ABCB7: variants seen among roughly 807,000 people sequenced by gnomAD.
ABCB7 encodes iron-sulfur clusters transporter ABCB7, mitochondrial.
ABCB7 carries 7 observed loss-of-function variants against 54.4 expected under a neutral mutation model. The ratio of observed to expected loss-of-function variants is 0.13; its 90% CI spans 0.07 to 0.24. The LOEUF is 0.24. Among genes scored for constraint, ABCB7 ranks in the 10% least tolerant of loss-of-function variants. The pLI, the probability that ABCB7 is intolerant of heterozygous loss-of-function variation, is 1.00. For missense variants in ABCB7, 356 were observed against 570.4 expected (o/e 0.62, Z 3.83); for synonymous variants, 218 against 207.1 (o/e 1.05, Z -0.45).
At chrX:75,102,530 C>A (rs2081648687) in intron 3 of ABCB7, among the ~76,000 whole-genome samples, 1 of 111,645 alleles carries the variant, frequency 9.0e-6, no homozygotes, top group South Asian at 3.7e-4. Flanking sequence ...TAAGAGTATT[C>A]CACATTTATA....
rs1347471195 is a variant in ABCB7 at position 75,149,228 on chromosome X, G to T, written c.168+6877C>A. On this transcript the variant is annotated intron_variant, in intron 1 of 15. Transcript: ENST00000373394. The stretch of plus-strand genomic sequence containing the variant: ...TAATGAACATCCCAAAATACAGTGT[G>T]CAGTTAAAATTTCTACAAACAGCAA... Among the ~76,000 whole-genome samples the T allele has an allele frequency of 2.7e-5, 3 of 111,838 alleles. No individual in the cohort carries two copies. The Admixed American group carries it at 2.9e-4, about 11-fold the overall frequency.
chrX:75,146,622 G>A (rs912262650), intron 1 of ABCB7, among the ~76,000 whole-genome samples: 13 of 111,914 alleles, frequency 1.2e-4, no homozygotes, highest in Admixed American at 1.1e-3. Context: ...GCCACAGGCC[G>A]AAGATTGAAA....
At position 75,069,425 on chromosome X, in the gene ABCB7, G is replaced by C. The variant is rs777989939; in HGVS notation, c.1395C>G (p.Ile465Met). Reference protein sequence around the residue: ...KDKVMASPLQITPQTATVAFD... With the variant: ...KDKVMASPLQMTPQTATVAFD... ...AGGCCACGGTAGCTGTCTGTGGTGTGATCTGAAGGGGAGATGCCATCACTT... is the reference window on the plus strand; with the variant it reads ...AGGCCACGGTAGCTGTCTGTGGTGTCATCTGAAGGGGAGATGCCATCACTT... Residue 465 changes from isoleucine to methionine, a missense_variant, in exon 11 of 16, where the codon ATC becomes ATG. Coordinates refer to ENST00000373394, the MANE Select transcript of ABCB7 (RefSeq NM_001271696.3). 1 of 1,208,878 alleles carries C rather than the reference G, an allele frequency of 8.3e-7. No homozygotes were observed. The highest frequency in any genetic ancestry group is 1.1e-6 in the Non-Finnish European group (1 of 894,059).
At chrX:75,115,768 T>C (rs1427864388) in intron 1 of ABCB7, among the ~76,000 whole-genome samples, 2 of 104,380 alleles carry the variant, frequency 1.9e-5, no homozygotes, top group African/African-American at 3.6e-5. Context: ...CAGGCCATGA[T>C]GCTGGTTGTG....
At chrX:75,149,499 T>C (rs1427717309) in intron 1 of ABCB7, among the ~76,000 whole-genome samples, 1 of 111,905 alleles carries the variant, frequency 8.9e-6, no homozygotes, top group East Asian at 2.8e-4. Flanking sequence ...TCCAAATGTA[T>C]AGCAGTGGAG....
intron 5 of ABCB7, 124 bp from the exon 6 acceptor site, chrX:75,075,754 A>C: frequency 1.4e-6 from 1 of 689,837 alleles, no homozygotes; most frequent in Non-Finnish European, 2.1e-6. Flanking sequence ...ATATCACAGA[A>C]TATTTACAAT....
At chrX:75,058,700 C>T (rs1210687832) in intron 15 of ABCB7, among the ~76,000 whole-genome samples, 1 of 111,393 alleles carries the variant, frequency 9.0e-6, no homozygotes, top group Non-Finnish European at 1.9e-5. Context: ...ACCCAAGTGG[C>T]AATGGTGTAA....
At chrX:75,075,340 T>C (rs1602345671) in intron 6 of ABCB7, 22 bp downstream of exon 6, 1 of 1,202,663 alleles carries the variant, frequency 8.3e-7, no homozygotes. Context: ...TAAAAGCTTG[T>C]TATGAAAAAT....
chrX:75,150,090 G>C (rs1349518348), intron 1 of ABCB7, among the ~76,000 whole-genome samples: 1 of 111,466 alleles, frequency 9.0e-6, no homozygotes, highest in Non-Finnish European at 1.9e-5. Flanking sequence ...TAGATGTGCT[G>C]TATAGGATGG....
At chrX:75,147,886 T>C (rs1037545109) in intron 1 of ABCB7, among the ~76,000 whole-genome samples, 15 of 111,896 alleles carry the variant, frequency 1.3e-4, no homozygotes, top group Non-Finnish European at 2.4e-4. Flanking sequence ...AAGGCCGAGG[T>C]GGGCGGATCA....
At chrX:75,124,094 T>C (rs980634831) in intron 1 of ABCB7, among the ~76,000 whole-genome samples, 2 of 112,103 alleles carry the variant, frequency 1.8e-5, no homozygotes, top group Non-Finnish European at 3.8e-5. Context: ...CCAAGAGCCA[T>C]TGATTGCTGA....
intron 4 of ABCB7, among the ~76,000 whole-genome samples, chrX:75,081,484 T>C (rs1602351791): frequency 2.7e-5 from 3 of 112,033 alleles, no homozygotes; most frequent in Non-Finnish European, 3.8e-5. Flanking sequence ...AACTTGAAGA[T>C]AGAACAATAA....
intron 1 of ABCB7, among the ~76,000 whole-genome samples, chrX:75,125,668 G>A (rs1441118083): frequency 9.0e-6 from 1 of 111,044 alleles, no homozygotes; most frequent in Non-Finnish European, 1.9e-5. Context: ...GGGCACTCAA[G>A]CCTGAGGTTT....
intron 1 of ABCB7, among the ~76,000 whole-genome samples, chrX:75,135,163 TA>T (rs1454735859): frequency 8.3e-4 from 81 of 97,982 alleles, no homozygotes; most frequent in Middle Eastern, 5.2e-3. Context: ...CCGCAGATAT[TA>T]AAAAAAAAAA....
In ABCB7 at chrX:75,053,405, T is replaced by G; in HGVS notation, c.2224A>C (p.Asn742His). ...ERKKLQEEIVNSVKGCGNCSC is the reference protein window; with the variant it reads ...ERKKLQEEIVHSVKGCGNCSC ...CAGTTTCCACAGCCTTTCACACTAT[T>G]GACAATTTCTTCTTGTAGTTTCTTT... The change falls in exon 16 of 16, where the codon AAT becomes CAT. Residue 742 changes from asparagine to histidine, a missense_variant. By Grantham distance (68) the Asn-to-His change is moderately conservative. Around this residue, in one of 2 missense-constraint regions of ABCB7, gnomAD observed 241 missense variants for 470.9 expected, o/e 0.51. Transcript: ENST00000373394. The G allele has an allele frequency of 8.3e-7, 1 of 1,211,462 alleles. No homozygotes were observed. Among genetic ancestry groups the G allele is most frequent in the Non-Finnish European group, 1.1e-6 (1 of 895,121 alleles).
intron 12 of ABCB7, among the ~76,000 whole-genome samples, chrX:75,066,543 C>T (rs1483344172): frequency 9.0e-6 from 1 of 110,756 alleles, no homozygotes; most frequent in African/African-American, 3.3e-5. Flanking sequence ...TAGATTTTAG[C>T]TGCTCTAGTC....
intron 12 of ABCB7, among the ~76,000 whole-genome samples, chrX:75,066,932 T>C (rs1382656533): frequency 8.9e-6 from 1 of 111,969 alleles, no homozygotes; most frequent in Non-Finnish European, 1.9e-5. Flanking sequence ...TACTTACTGT[T>C]GGACATTTAC....
At chrX:75,115,943 C>T (rs1447792704) in intron 1 of ABCB7, among the ~76,000 whole-genome samples, 3 of 111,392 alleles carry the variant, frequency 2.7e-5, no homozygotes, top group Non-Finnish European at 5.6e-5. Flanking sequence ...AACCTGACTG[C>T]TATAGTATCA....
chrX:75,088,427 G>A (rs760049509), intron 4 of ABCB7, among the ~76,000 whole-genome samples: 23 of 112,025 alleles, frequency 2.1e-4, no homozygotes, highest in Non-Finnish European at 3.2e-4. Context: ...CAGCATGCAA[G>A]AAAAGATGGG....
Sources: allele counts gnomAD v4.1 joint callset (sites outside exome capture counted in the v4.1 genomes callset), GRCh38; gene constraint gnomAD v4.1.1; regional missense constraint gnomAD v4.1.1; transcripts MANE v1.5; gene names NCBI Gene and HGNC (gene_info 2026-07-23, HGNC 2026-07-21).